Variants in DLEU7 observed in about 807,000 individuals in gnomAD.
DLEU7 encodes deleted in lymphocytic leukemia 7.
Under a neutral mutation model 16.0 loss-of-function variants are expected in DLEU7, and 17 were observed. The ratio of observed to expected loss-of-function variants is 1.06; its 90% CI spans 0.73 to 1.59. The LOEUF (loss-of-function observed/expected upper bound fraction) is 1.59, where lower values mean the gene tolerates loss of function less well. Among genes scored for constraint, DLEU7 ranks in the 40% most tolerant of loss-of-function variants. DLEU7 has a pLI of 0.00. For missense variants in DLEU7, 308 were observed against 314.9 expected (o/e 0.98, Z 0.17); for synonymous variants, 113 against 139.8 (o/e 0.81, Z 1.35).
intron 1 of DLEU7, among the ~76,000 whole-genome samples, chr13:50,713,908 G>C (rs1010388961): frequency 2.6e-5 from 4 of 152,196 alleles, no homozygotes; most frequent in Non-Finnish European, 5.9e-5. Flanking sequence ...AAACGACCCA[G>C]ACTCTGCCCG....
chr13:50,793,060 A>G (rs1170890392), intron 1 of DLEU7, among the ~76,000 whole-genome samples: 1 of 151,836 alleles, frequency 6.6e-6, no homozygotes, highest in African/African-American at 2.4e-5. Context: ...CCCAGTATCT[A>G]TTGTTCCTGT....
chr13:50,822,887 T>C, downstream of DLEU7: 1 of 989,294 alleles, frequency 1.0e-6, no homozygotes. Flanking sequence ...AATTATCAAA[T>C]ATCTCATTCA....
At chr13:50,719,419 A>G (rs1873530968) in intron 1 of DLEU7, among the ~76,000 whole-genome samples, 1 of 152,230 alleles carries the variant, frequency 6.6e-6, no homozygotes. Flanking sequence ...TTCAGCATGG[A>G]GATTTTTAGT....
At chr13:50,775,742 C>T (rs1265690041) in intron 1 of DLEU7, among the ~76,000 whole-genome samples, 2 of 152,202 alleles carry the variant, frequency 1.3e-5, no homozygotes, top group African/African-American at 2.4e-5. Context: ...AAATCCCCAC[C>T]AGTTTCTGCT....
chr13:50,741,569 A>G (rs1307753789), intron 1 of DLEU7, among the ~76,000 whole-genome samples: 2 of 152,162 alleles, frequency 1.3e-5, no homozygotes, highest in African/African-American at 2.4e-5. Context: ...CAACATTTAC[A>G]CTTTTCCTGT....
intron 1 of DLEU7, among the ~76,000 whole-genome samples, chr13:50,810,870 C>G (rs1194699231): frequency 1.3e-5 from 2 of 152,184 alleles, no homozygotes; most frequent in African/African-American, 2.4e-5. Context: ...TTTCAAAGAG[C>G]TTAATGATGT....
chr13:50,797,859 CA>C, intron 1 of DLEU7, among the ~76,000 whole-genome samples: 1 of 152,096 alleles, frequency 6.6e-6, no homozygotes, highest in East Asian at 1.9e-4. Context: ...TAATGGGGGC[CA>C]CAGAGAAATT....
At chr13:50,792,145 T>G (rs938535997) in intron 1 of DLEU7, among the ~76,000 whole-genome samples, 7 of 152,230 alleles carry the variant, frequency 4.6e-5, no homozygotes, top group Non-Finnish European at 1.0e-4. Context: ...ACCAGTGTAT[T>G]ATATATCCTA....
intron 1 of DLEU7, among the ~76,000 whole-genome samples, chr13:50,804,566 C>T (rs983230020): frequency 2.0e-5 from 3 of 151,970 alleles, no homozygotes; most frequent in African/African-American, 7.2e-5. Flanking sequence ...GCCTCAGCCT[C>T]CTGAGTAGCT....
At chr13:50,820,534 AG>A (rs1361241544), downstream of DLEU7, among the ~76,000 whole-genome samples, 1 of 152,128 alleles carries the variant, frequency 6.6e-6, no homozygotes, top group Non-Finnish European at 1.5e-5. Flanking sequence ...GTACAGATTC[AG>A]GGTAGGTAGA....
chr13:50,754,343 T>G (rs1466704101), intron 1 of DLEU7, among the ~76,000 whole-genome samples: 1 of 152,196 alleles, frequency 6.6e-6, no homozygotes, highest in East Asian at 1.9e-4. Context: ...TTTTATAAAT[T>G]TGGGAGCTCC....
intron 1 of DLEU7, among the ~76,000 whole-genome samples, chr13:50,837,444 T>C (rs1419098874): frequency 6.6e-6 from 1 of 152,228 alleles, no homozygotes; most frequent in Non-Finnish European, 1.5e-5. Context: ...ATTCATATTA[T>C]AAGAAATTGC....
At chr13:50,729,550 T>C (rs947303480) in intron 1 of DLEU7, among the ~76,000 whole-genome samples, 8 of 152,342 alleles carry the variant, frequency 5.3e-5, no homozygotes, top group Admixed American at 3.9e-4. Flanking sequence ...ATTTACCTAA[T>C]AATGGGATTG....
chr13:50,841,787 A>G (rs57140858), intron 1 of DLEU7, among the ~76,000 whole-genome samples: 13,672 of 151,810 alleles, frequency 0.09, 849 homozygotes, highest in African/African-American at 0.18. Flanking sequence ...CTTATAATCA[A>G]TGGTGTATCA....
chr13:50,793,032 T>C (rs1876010353), intron 1 of DLEU7, among the ~76,000 whole-genome samples: 1 of 152,158 alleles, frequency 6.6e-6, no homozygotes, highest in South Asian at 2.1e-4. Flanking sequence ...GAATCCCTTC[T>C]TCCCATTTCT....
chr13:50,735,555 A>G (rs1874042119), intron 1 of DLEU7, among the ~76,000 whole-genome samples: 2 of 152,208 alleles, frequency 1.3e-5, no homozygotes, highest in Admixed American at 1.3e-4. Context: ...CTCAGAAAAG[A>G]AATTACAAGA....
At chr13:50,775,770 G>A (rs574202235) in intron 1 of DLEU7, among the ~76,000 whole-genome samples, 12 of 152,280 alleles carry the variant, frequency 7.9e-5, no homozygotes, top group South Asian at 4.1e-4. Context: ...GTTTATCTCC[G>A]AATTGTTTGT....
chr13:50,819,220 C>T (rs1876823219), downstream of DLEU7, among the ~76,000 whole-genome samples: 1 of 152,046 alleles, frequency 6.6e-6, no homozygotes, highest in African/African-American at 2.4e-5. Flanking sequence ...CAGAGACCTC[C>T]TTGAAATAGA....
intron 1 of DLEU7, among the ~76,000 whole-genome samples, chr13:50,777,295 G>T (rs1875531251): frequency 6.6e-6 from 1 of 152,198 alleles, no homozygotes; most frequent in African/African-American, 2.4e-5. Context: ...GAGTCAGTGG[G>T]CTGGGAAAGG....
Sources: gnomAD v4.1 joint callset for allele counts (sites outside exome capture counted in the v4.1 genomes callset) on GRCh38, gnomAD v4.1.1 for gene constraint, MANE v1.5 for transcripts, NCBI Gene and HGNC (gene_info 2026-07-23, HGNC 2026-07-21) for gene names.